PTPRT: variants seen among roughly 807,000 people sequenced by gnomAD.
The protein encoded by PTPRT is receptor-type tyrosine-protein phosphatase T.
A neutral mutation model predicts 176.8 loss-of-function variants in PTPRT; 56 were observed. The observed-to-expected ratio is 0.32, with a 90% CI of 0.26 to 0.40. The LOEUF (loss-of-function observed/expected upper bound fraction) is 0.40. PTPRT is among the 10% of genes least tolerant of loss of function. PTPRT has a pLI of 1.00. For missense variants in PTPRT, 1,540 were observed against 1,908.2 expected (o/e 0.81, Z 3.60); for synonymous variants, 783 against 739.0 (o/e 1.06, Z -0.96).
At chr20:42,778,684 A>G (rs975843925) in intron 4 of PTPRT, among the ~76,000 whole-genome samples, 6 of 152,202 alleles carry the variant, frequency 3.9e-5, no homozygotes, top group African/African-American at 1.4e-4. Flanking sequence ...GCCCAGTCTT[A>G]GGCTCATTCT....
intron 7 of PTPRT, among the ~76,000 whole-genome samples, chr20:42,603,746 A>G (rs572824150): frequency 1.3e-5 from 2 of 152,328 alleles, no homozygotes; most frequent in South Asian, 4.1e-4. Context: ...TAGACCTCAA[A>G]GCTTCACTCC....
chr20:42,841,324 C>T (rs2078273834), intron 2 of PTPRT, among the ~76,000 whole-genome samples: 1 of 152,186 alleles, frequency 6.6e-6, no homozygotes, highest in South Asian at 2.1e-4. Flanking sequence ...CTCTCTGAAG[C>T]TCTGTTTCCC....
At chr20:42,871,174 A>G (rs1186159429) in intron 2 of PTPRT, among the ~76,000 whole-genome samples, 1 of 150,784 alleles carries the variant, frequency 6.6e-6, no homozygotes, top group Non-Finnish European at 1.5e-5. Flanking sequence ...TTGGTCTTGA[A>G]CTCCTGACCT....
At chr20:43,054,477 C>G (rs2146239051) in intron 1 of PTPRT, among the ~76,000 whole-genome samples, 1 of 151,748 alleles carries the variant, frequency 6.6e-6, no homozygotes, top group Middle Eastern at 3.4e-3. Flanking sequence ...TGGTTTGAGC[C>G]CAGAACGTCA....
rs528066640 is a variant in PTPRT, at chr20:42,326,651, A to T, written c.1866-10655T>A. Among the ~76,000 whole-genome samples the T allele has an allele frequency of 9.8e-4, 150 of 152,320 alleles. 1 individual carries two copies. The highest frequency in any genetic ancestry group is 3.4e-3 in the African/African-American group (142 of 41,578). On this transcript the variant is annotated intron_variant, in intron 11 of 30. Coordinates refer to ENST00000373187, the MANE Select transcript of PTPRT (RefSeq NM_007050.6). ...TGGAAGGAAAATAAAACTCTACTGA[A>T]TGATTTAAAAGACTATCTCCAGCCC... is the stretch of plus-strand genomic sequence containing the variant.
chr20:42,982,798 T>C (rs1007551591), intron 1 of PTPRT, among the ~76,000 whole-genome samples: 18 of 152,172 alleles, frequency 1.2e-4, no homozygotes, highest in African/African-American at 4.1e-4. Context: ...CAGGGTGCCA[T>C]TGCTGCTCTT....
intron 1 of PTPRT, among the ~76,000 whole-genome samples, chr20:43,117,014 C>T (rs1018502465): frequency 2.0e-5 from 3 of 152,154 alleles, no homozygotes; most frequent in Non-Finnish European, 4.4e-5. Flanking sequence ...AGGTTGGGTC[C>T]AGATCTGTTC....
intron 3 of PTPRT, among the ~76,000 whole-genome samples, chr20:42,790,334 A>G (rs208245): frequency 0.42 from 63,645 of 151,722 alleles, 14,396 homozygotes; most frequent in East Asian, 0.65. Flanking sequence ...TGTGTGCATC[A>G]GTTCGCAAGG....
At chr20:42,266,272 T>C (rs970379339) in intron 13 of PTPRT, among the ~76,000 whole-genome samples, 2 of 152,116 alleles carry the variant, frequency 1.3e-5, no homozygotes, top group African/African-American at 4.8e-5. Flanking sequence ...CTTTTTTCTG[T>C]AGAAAATTGA....
chr20:42,461,132 A>T (rs1253614866), intron 8 of PTPRT, among the ~76,000 whole-genome samples: 1 of 152,222 alleles, frequency 6.6e-6, no homozygotes, highest in Non-Finnish European at 1.5e-5. Flanking sequence ...GTTCGATACC[A>T]GCCTGACCAA....
chr20:42,928,732 C>T (rs1979646659), intron 1 of PTPRT, among the ~76,000 whole-genome samples: 1 of 152,156 alleles, frequency 6.6e-6, no homozygotes, highest in Non-Finnish European at 1.5e-5. Context: ...GTATTGGAGC[C>T]TCCACCCATC....
chr20:42,895,997 G>A (rs2079289457), intron 1 of PTPRT, among the ~76,000 whole-genome samples: 1 of 152,088 alleles, frequency 6.6e-6, no homozygotes, highest in Non-Finnish European at 1.5e-5. Flanking sequence ...CCCGTCTCTG[G>A]GAACTGGAGG....
At chr20:43,113,900 T>C (rs988215402) in intron 1 of PTPRT, among the ~76,000 whole-genome samples, 1 of 152,248 alleles carries the variant, frequency 6.6e-6, no homozygotes, top group Non-Finnish European at 1.5e-5. Context: ...CTGGAGCCAC[T>C]ACAGTACAAT....
At chr20:42,256,915 G>A (rs1030450765) in intron 13 of PTPRT, among the ~76,000 whole-genome samples, 27 of 152,270 alleles carry the variant, frequency 1.8e-4, no homozygotes, top group South Asian at 1.2e-3. Context: ...TGGAGTCACC[G>A]CCAAAGAAGG....
At chr20:42,350,892 C>T (rs569526654) in intron 10 of PTPRT, among the ~76,000 whole-genome samples, 162 bp from the exon 11 acceptor site, 27 of 152,268 alleles carry the variant, frequency 1.8e-4, no homozygotes, top group African/African-American at 6.0e-4. Flanking sequence ...AAGGAGGCCC[C>T]GATGCCCAAC....
At chr20:42,365,659 CA>C (rs1001658253) in intron 9 of PTPRT, among the ~76,000 whole-genome samples, 41 of 146,102 alleles carry the variant, frequency 2.8e-4, no homozygotes, top group African/African-American at 9.6e-4. Context: ...GCTGATGAGA[CA>C]AAAAAAAAAT....
intron 7 of PTPRT, among the ~76,000 whole-genome samples, chr20:42,652,549 C>G (rs1485397892): frequency 6.6e-6 from 1 of 152,166 alleles, no homozygotes; most frequent in African/African-American, 2.4e-5. Flanking sequence ...CATCCCCCTC[C>G]CCTTCACTCA....
At chr20:43,102,924 G>T (rs143706255) in intron 1 of PTPRT, among the ~76,000 whole-genome samples, 1 of 152,148 alleles carries the variant, frequency 6.6e-6, no homozygotes, top group Non-Finnish European at 1.5e-5. Context: ...AGAGAAAAAT[G>T]AGAAAATAAT....
intron 2 of PTPRT, among the ~76,000 whole-genome samples, chr20:42,860,858 C>T (rs2078648518): frequency 1.3e-5 from 2 of 152,062 alleles, no homozygotes; most frequent in African/African-American, 4.8e-5. Flanking sequence ...ACTAGAAATC[C>T]CTGAATAAAT....
Sources: gnomAD v4.1 joint callset for allele counts (sites outside exome capture counted in the v4.1 genomes callset) on GRCh38, gnomAD v4.1.1 for gene constraint, MANE v1.5 for transcripts, NCBI Gene and HGNC (gene_info 2026-07-23, HGNC 2026-07-21) for gene names.